Variants in PREX2 observed in about 807,000 individuals in gnomAD.
The protein encoded by PREX2 is phosphatidylinositol 3,4,5-trisphosphate-dependent Rac exchanger 2 protein.
PREX2 carries 107 observed loss-of-function variants against 203.2 expected under a neutral mutation model. That is an observed-to-expected ratio of 0.53 (90% confidence interval 0.45 to 0.62). PREX2 has a LOEUF of 0.62. Among genes scored for constraint, PREX2 ranks in the 20% least tolerant of loss-of-function variants. The pLI is 0.00. For missense variants in PREX2, 1,777 were observed against 1,955.9 expected, an observed-to-expected ratio of 0.91 and a Z score of 1.72; for synonymous variants, 672 against 663.6, an observed-to-expected ratio of 1.01 and a Z score of -0.19.
Position 68,083,275 on chromosome 8 carries a change from T to C in PREX2, c.1914T>C (p.Ala638=). ...AGMEVGKKIF[A]INGDLVFMRP... is the part of the protein sequence containing the mutation. ...TGGAAGTCGGGAAAAAGATTTTTGCTATTAATGGTGACCTAGTTTTTATGA... is the reference window on the plus strand; with the variant it reads ...TGGAAGTCGGGAAAAAGATTTTTGCCATTAATGGTGACCTAGTTTTTATGA... Residue 638 remains alanine (A), a synonymous_variant, in exon 18 of 40, where the codon GCT becomes GCC. Transcript: ENST00000288368. 6.2e-7 allele frequency: 1 copy of C among 1,606,842 alleles called. No individual in the cohort carries two copies. Among genetic ancestry groups the C allele is most frequent in the Non-Finnish European group, 8.5e-7 (1 of 1,175,304 alleles).
chr8:68,101,274 A>G, intron 23 of PREX2: 1 of 497,082 alleles, frequency 2.0e-6, no homozygotes, highest in South Asian at 1.4e-5. Flanking sequence ...AGGGACTCAC[A>G]ACATTGGTTA....
intron 8 of PREX2, among the ~76,000 whole-genome samples, chr8:68,049,683 C>G (rs1808465287): frequency 6.6e-6 from 1 of 152,090 alleles, no homozygotes; most frequent in African/African-American, 2.4e-5. Flanking sequence ...ACCTATTCTT[C>G]CTATAAAATT....
chr8:67,960,835 T>C (rs1805615072), intron 1 of PREX2, among the ~76,000 whole-genome samples: 1 of 151,976 alleles, frequency 6.6e-6, no homozygotes, highest in Admixed American at 6.6e-5. Context: ...GGAATTGAGC[T>C]TGGACATCTG....
intron 8 of PREX2, 143 bp downstream of exon 8, chr8:68,044,733 A>G: frequency 1.6e-6 from 1 of 641,822 alleles, no homozygotes; most frequent in South Asian, 2.2e-5. Flanking sequence ...GGGTAGAGAA[A>G]AGAGAAAGGT....
At chr8:68,046,726 C>G (rs1808363930) in intron 8 of PREX2, among the ~76,000 whole-genome samples, 1 of 151,978 alleles carries the variant, frequency 6.6e-6, no homozygotes, top group Non-Finnish European at 1.5e-5. Context: ...GGGGCTTTCC[C>G]CCTCTTTACT....
At chr8:67,989,090 T>A (rs1029949390) in intron 1 of PREX2, among the ~76,000 whole-genome samples, 1 of 151,948 alleles carries the variant, frequency 6.6e-6, no homozygotes, top group Admixed American at 6.6e-5. Context: ...TCTGAGTATG[T>A]GACCCCCAGT....
At chr8:68,047,319 A>G (rs114022645) in intron 8 of PREX2, among the ~76,000 whole-genome samples, 3,013 of 151,662 alleles carry the variant, frequency 0.02, 102 homozygotes, top group African/African-American at 0.069. Flanking sequence ...AGCAGAGCTG[A>G]TTAATGTCCC....
At chr8:68,040,572 G>A (rs185280081) in intron 7 of PREX2, among the ~76,000 whole-genome samples, 33 of 152,204 alleles carry the variant, frequency 2.2e-4, no homozygotes, top group African/African-American at 7.7e-4. Flanking sequence ...GATTCTCTGT[G>A]GCTTTCAGAT....
chr8:68,011,164 T>TC (rs1028516554), intron 1 of PREX2, among the ~76,000 whole-genome samples: 14 of 152,182 alleles, frequency 9.2e-5, no homozygotes, highest in African/African-American at 3.4e-4. Context: ...AACTAAGAGT[T>TC]AAGTAAAACA....
At chr8:68,183,136 T>C (rs1445976285) in intron 35 of PREX2, among the ~76,000 whole-genome samples, 2 of 152,020 alleles carry the variant, frequency 1.3e-5, no homozygotes, top group African/African-American at 2.4e-5. Context: ...GAAATTTAAA[T>C]GATATTAAAG....
chr8:68,069,617 A>G (rs746721096), intron 12 of PREX2, among the ~76,000 whole-genome samples: 3 of 149,890 alleles, frequency 2.0e-5, no homozygotes, highest in Non-Finnish European at 3.0e-5. Context: ...TGTATGTCAT[A>G]TATGAGGAAT....
At chr8:67,990,611 G>A (rs1008985611) in intron 1 of PREX2, among the ~76,000 whole-genome samples, 1 of 151,646 alleles carries the variant, frequency 6.6e-6, no homozygotes, top group African/African-American at 2.4e-5. Context: ...CCGGGTTCAA[G>A]CAATTCTCCT....
At chr8:68,163,548 T>TTAA (rs1224736602) in intron 35 of PREX2, among the ~76,000 whole-genome samples, 1 of 152,204 alleles carries the variant, frequency 6.6e-6, no homozygotes, top group Admixed American at 6.5e-5. Flanking sequence ...CCAAATGGGC[T>TTAA]TAAGGTGGAG....
At chr8:68,073,424 A>G (rs547252491) in intron 14 of PREX2, among the ~76,000 whole-genome samples, 3 of 152,176 alleles carry the variant, frequency 2.0e-5, no homozygotes, top group Non-Finnish European at 4.4e-5. Context: ...TTTCAAGTAG[A>G]TAATAGTTGA....
At chr8:68,138,737 A>T (rs1467427893) in intron 33 of PREX2, among the ~76,000 whole-genome samples, 1 of 152,182 alleles carries the variant, frequency 6.6e-6, no homozygotes, top group African/African-American at 2.4e-5. Flanking sequence ...CATATCTTTT[A>T]CTTTCTGCAA....
At chr8:68,034,831 C>G (rs576080533) in intron 6 of PREX2, among the ~76,000 whole-genome samples, 1 of 152,056 alleles carries the variant, frequency 6.6e-6, no homozygotes, top group Non-Finnish European at 1.5e-5. Flanking sequence ...AGTGCTGGGA[C>G]TTGTTTCTTT....
chr8:68,179,209 A>G (rs1462736266), intron 35 of PREX2, among the ~76,000 whole-genome samples: 1 of 152,190 alleles, frequency 6.6e-6, no homozygotes, highest in Non-Finnish European at 1.5e-5. Context: ...CATTGACCAA[A>G]TCTAGTTTTT....
intron 27 of PREX2, among the ~76,000 whole-genome samples, chr8:68,119,191 C>T (rs1420821236): frequency 2.0e-5 from 3 of 152,162 alleles, no homozygotes; most frequent in African/African-American, 7.2e-5. Flanking sequence ...ACTGGAGGAA[C>T]ATCATTTGAA....
chr8:68,066,045 C>T (rs901742360), intron 11 of PREX2, among the ~76,000 whole-genome samples: 2 of 152,074 alleles, frequency 1.3e-5, no homozygotes, highest in African/African-American at 4.8e-5. Flanking sequence ...GTGGTGAGAA[C>T]ATTTAAGATC....
Sources: gnomAD v4.1 joint callset for allele counts (sites outside exome capture counted in the v4.1 genomes callset) on GRCh38, gnomAD v4.1.1 for gene constraint, MANE v1.5 for transcripts, NCBI Gene and HGNC (gene_info 2026-07-23, HGNC 2026-07-21) for gene names.